The following LAMA2 variants were observed in gnomAD, a reference collection of about 807,000 sequenced individuals.
LAMA2 encodes laminin subunit alpha 2, also known as laminin subunit alpha-2.
LAMA2 carries 269 observed loss-of-function variants against 364.8 expected under a neutral mutation model. The ratio of observed to expected loss-of-function variants is 0.74; its 90% CI spans 0.67 to 0.82. The LOEUF (loss-of-function observed/expected upper bound fraction) is 0.82, where lower values mean the gene tolerates loss of function less well. LAMA2 is among the 40% of genes least tolerant of loss of function. The pLI is 0.00. For synonymous variants in LAMA2, 1,379 were observed against 1,370.6 expected, an observed-to-expected ratio of 1.01 and a Z score of -0.14; for missense variants, 3,807 against 3,873.2, an observed-to-expected ratio of 0.98 and a Z score of 0.45.
chr6:129,408,304 A>G (rs777866426), intron 40 of LAMA2, among the ~76,000 whole-genome samples: 1 of 152,152 alleles, frequency 6.6e-6, no homozygotes, highest in Non-Finnish European at 1.5e-5. Flanking sequence ...CCTAGTTGGC[A>G]TTGTAATTAT....
At chr6:129,448,757 A>G (rs9385491) in intron 45 of LAMA2, among the ~76,000 whole-genome samples, 23,302 of 152,146 alleles carry the variant, frequency 0.15, 1,894 homozygotes, top group East Asian at 0.21. Flanking sequence ...CCTTAAAGAT[A>G]CTTAATGCTT....
At chr6:129,086,413 A>G (rs1251564071) in intron 3 of LAMA2, among the ~76,000 whole-genome samples, 2 of 152,242 alleles carry the variant, frequency 1.3e-5, no homozygotes, top group Non-Finnish European at 2.9e-5. Context: ...AGCAACTTAT[A>G]ACAGTTTTGG....
Position 129,218,046 on chromosome 6 carries a change from CAG to C in LAMA2, c.1782+25195_1782+25196del, listed in dbSNP as rs369973967. 6.3e-3 allele frequency among the ~76,000 whole-genome samples: 959 copies of C among 152,194 alleles called. 9 individuals carry two copies. Among genetic ancestry groups the C allele is most frequent in the South Asian group, 0.024 (117 of 4,822 alleles). ...GTCATGACATCTTTTAACATAAGTG[CAG>C]AAACTATCTGTAATGAATCAAAACT... is the stretch of plus-strand genomic sequence containing the variant. On this transcript the variant is annotated intron_variant, in intron 12 of 64. Transcript: ENST00000421865.
chr6:129,159,480 G>C (rs540093857), intron 8 of LAMA2, among the ~76,000 whole-genome samples: 1 of 152,218 alleles, frequency 6.6e-6, no homozygotes, highest in Admixed American at 6.5e-5. Flanking sequence ...CTGCCGGGGA[G>C]AGCGGCTTTC....
At chr6:129,164,615 C>T (rs1352211593) in intron 8 of LAMA2, among the ~76,000 whole-genome samples, 2 of 152,170 alleles carry the variant, frequency 1.3e-5, no homozygotes, top group Non-Finnish European at 2.9e-5. Flanking sequence ...GTGGAAAACT[C>T]CAGGTATTCA....
intron 34 of LAMA2, among the ~76,000 whole-genome samples, chr6:129,371,089 A>G (rs1430936833): frequency 6.6e-6 from 1 of 152,224 alleles, no homozygotes; most frequent in African/African-American, 2.4e-5. Flanking sequence ...ATATGAAATA[A>G]TTCATATTTG....
chr6:129,109,739 G>A lies in LAMA2; in HGVS notation c.639+11324G>A, dbSNP rs144815329. Among the ~76,000 whole-genome samples, 525 of 152,080 alleles carry A rather than the reference G, an allele frequency of 3.5e-3. 3 individuals are homozygous for A. The highest frequency in any genetic ancestry group is 0.011 in the African/African-American group (474 of 41,508). ...ATGAAAACATTAAGTAAACCAACAG[G>A]TAAATACATTTTTGGTCAAACAAAA... On this transcript the variant is annotated intron_variant, in intron 4 of 64. Transcript: ENST00000421865.
At chr6:129,441,043 C>A in intron 43 of LAMA2, 45 bp downstream of exon 43, 1 of 1,535,782 alleles carries the variant, frequency 6.5e-7, no homozygotes, top group South Asian at 1.1e-5. Flanking sequence ...TATTTCCTCT[C>A]ACTGTAAAAG....
intron 12 of LAMA2, among the ~76,000 whole-genome samples, chr6:129,206,750 G>T (rs957195038): frequency 5.9e-5 from 9 of 152,170 alleles, no homozygotes; most frequent in African/African-American, 1.9e-4. Flanking sequence ...CTGTGTCTGA[G>T]ATTGCAGGCA....
At chr6:129,441,982 C>CA (rs796747068) in intron 43 of LAMA2, among the ~76,000 whole-genome samples, 121 of 136,156 alleles carry the variant, frequency 8.9e-4, no homozygotes, top group East Asian at 3.6e-3. Context: ...GATGCTGTCT[C>CA]AAAAAAAAAA....
At chr6:128,924,604 C>T (rs1043061081) in intron 1 of LAMA2, among the ~76,000 whole-genome samples, 3 of 152,098 alleles carry the variant, frequency 2.0e-5, no homozygotes, top group African/African-American at 7.2e-5. Flanking sequence ...CTTAATCCCT[C>T]ATATGAAAAA....
At chr6:129,153,171 G>A (rs1778914772) in intron 7 of LAMA2, among the ~76,000 whole-genome samples, 1 of 152,148 alleles carries the variant, frequency 6.6e-6, no homozygotes, top group Non-Finnish European at 1.5e-5. Flanking sequence ...TTCTTCTAAT[G>A]TAACATGAAA....
chr6:128,885,159 C>G (rs946825935), intron 1 of LAMA2, among the ~76,000 whole-genome samples: 5 of 152,136 alleles, frequency 3.3e-5, no homozygotes, highest in African/African-American at 1.2e-4. Flanking sequence ...CTGCTATAAT[C>G]TGCATTCTAG....
At chr6:129,261,211 G>A (rs1157808338) in intron 15 of LAMA2, among the ~76,000 whole-genome samples, 1 of 150,544 alleles carries the variant, frequency 6.6e-6, no homozygotes, top group Non-Finnish European at 1.5e-5. Context: ...TTTTAATTCT[G>A]TATCACACTT....
At position 129,427,846 on chromosome 6, in the gene LAMA2, A is replaced by C. The variant is rs775912205; in HGVS notation, c.5960A>C (p.Asp1987Ala). The change falls in exon 41 of 65, where the codon GAT becomes GCT. Residue 1987 changes from aspartate (D) to alanine (A), a missense_variant. This residue lies in a region of LAMA2 where 3,333 missense variants were observed against 3,345.7 expected (regional missense o/e 1.00). Transcript: ENST00000421865. ...AACGAAGCCAAGAAGTTAGCAAATGATGTAAAAGGTCAGTGTGGCCATAGT... is the reference window on the plus strand; with the variant it reads ...AACGAAGCCAAGAAGTTAGCAAATGCTGTAAAAGGTCAGTGTGGCCATAGT... The part of the protein sequence containing the change: ...ILNEAKKLAN[D>A]VKENEDHLNG... 6 of 1,607,308 alleles carry C rather than the reference A, an allele frequency of 3.7e-6. No individual in the cohort carries two copies. In the East Asian group the frequency reaches 1.3e-4, roughly 36 times the overall value.
intron 53 of LAMA2, among the ~76,000 whole-genome samples, chr6:129,477,510 A>G (rs1024376248): frequency 2.6e-5 from 4 of 152,180 alleles, no homozygotes; most frequent in African/African-American, 4.8e-5. Context: ...ACATATAAGA[A>G]CACTGAGTCT....
rs376966328 is a variant in LAMA2 at position 129,129,700 on chromosome 6, G to A, written c.640-14201G>A. 1.2e-3 allele frequency among the ~76,000 whole-genome samples: 183 copies of A among 151,980 alleles called. 3 individuals carry two copies. Among genetic ancestry groups the A allele is most frequent in the Admixed American group, 9.1e-3 (139 of 15,278 alleles). ...AGCACTTTGGGAGGCCGAGGCGGGC[G>A]GATCACGAGGTCAGGAGATCGAGAC... On this transcript the variant is annotated intron_variant, in intron 4 of 64. Coordinates refer to ENST00000421865, the MANE Select transcript of LAMA2 (RefSeq NM_000426.4).
intron 1 of LAMA2, among the ~76,000 whole-genome samples, chr6:128,913,323 C>T (rs1389277536): frequency 2.6e-5 from 4 of 152,110 alleles, no homozygotes; most frequent in Non-Finnish European, 5.9e-5. Context: ...AAAACACACC[C>T]CATCATTGAT....
chr6:129,307,645 G>A lies in LAMA2; in HGVS notation c.3175-5216G>A, dbSNP rs149048154. Among the ~76,000 whole-genome samples, 582 of 152,160 alleles carry A rather than the reference G, an allele frequency of 3.8e-3. 5 individuals are homozygous for A. Among genetic ancestry groups the A allele is most frequent in the African/African-American group, 0.013 (539 of 41,520 alleles). ...TATAATTCAATATCTAAAAACAATT[G>A]TTTCTTGGTTTGTATTTTTATTTTA... On this transcript the variant is annotated intron_variant, in intron 22 of 64. Coordinates refer to ENST00000421865, the MANE Select transcript of LAMA2 (RefSeq NM_000426.4).
Sources: gnomAD v4.1 joint callset for allele counts (sites outside exome capture counted in the v4.1 genomes callset) on GRCh38, gnomAD v4.1.1 for gene constraint, gnomAD v4.1.1 regional missense constraint, MANE v1.5 for transcripts, NCBI Gene and HGNC (gene_info 2026-07-23, HGNC 2026-07-21) for gene names.